The following EXT1 variants were observed in gnomAD, a reference collection of about 807,000 sequenced individuals.
EXT1 encodes exostosin-1.
EXT1 carries 20 observed loss-of-function variants against 82.5 expected under a neutral mutation model. The observed-to-expected ratio is 0.24, with a 90% confidence interval of 0.17 to 0.35. The LOEUF is 0.35. Ranked by LOEUF, EXT1 falls within the 10% of genes least tolerant of loss-of-function variation. The pLI is 1.00. For synonymous variants in EXT1, 348 were observed against 350.8 expected, an observed-to-expected ratio of 0.99 and a Z score of 0.09; for missense variants, 757 against 936.5, an observed-to-expected ratio of 0.81 and a Z score of 2.50.
At chr8:118,032,119 ATTACT>A (rs1816334247) in intron 1 of EXT1, among the ~76,000 whole-genome samples, 1 of 138,790 alleles carries the variant, frequency 7.2e-6, no homozygotes, top group South Asian at 2.6e-4. Context: ...GGTTTTGGCC[ATTACT>A]CAATGGCCAA....
Position 117,915,060 on chromosome 8 carries a change from C to T in EXT1, c.963-77859G>A, listed in dbSNP as rs553677233. ...TGGTTTGAGGCTCAGGTGGGCATCA[C>T]GGTCCTACCAATATGTGATGTCACC... On this transcript the variant is annotated intron_variant, in intron 1 of 10. Transcript: ENST00000378204. Among the ~76,000 whole-genome samples the T allele has an allele frequency of 1.6e-4, 25 of 152,282 alleles. No homozygotes were observed. The South Asian group carries it at 3.5e-3, about 22-fold the overall frequency.
At chr8:117,921,883 T>C (rs1813863548) in intron 1 of EXT1, among the ~76,000 whole-genome samples, 1 of 152,226 alleles carries the variant, frequency 6.6e-6, no homozygotes, top group South Asian at 2.1e-4. Context: ...ATTCAAAACA[T>C]TTTTTCATCT....
intron 1 of EXT1, among the ~76,000 whole-genome samples, chr8:118,014,708 G>C (rs530323921): frequency 6.6e-6 from 1 of 152,162 alleles, no homozygotes; most frequent in Non-Finnish European, 1.5e-5. Flanking sequence ...GAAAGTGCTG[G>C]GATTATAGGT....
intron 1 of EXT1, among the ~76,000 whole-genome samples, chr8:117,892,599 C>G (rs772438501): frequency 6.6e-6 from 1 of 152,172 alleles, no homozygotes; most frequent in African/African-American, 2.4e-5. Flanking sequence ...GAGATATGAG[C>G]TGACTTATCC....
intron 8 of EXT1, among the ~76,000 whole-genome samples, chr8:117,812,360 C>T (rs1045358223): frequency 2.0e-5 from 3 of 152,140 alleles, no homozygotes; most frequent in African/African-American, 7.2e-5. Context: ...TCCATCACAA[C>T]CTTGAAGTGA....
chr8:117,941,226 G>T (rs953512389), intron 1 of EXT1, among the ~76,000 whole-genome samples: 3 of 152,216 alleles, frequency 2.0e-5, no homozygotes, highest in African/African-American at 7.2e-5. Flanking sequence ...AGGCAATCCA[G>T]GCATGAATAT....
intron 1 of EXT1, among the ~76,000 whole-genome samples, chr8:117,993,246 G>T (rs1815471498): frequency 6.6e-6 from 1 of 152,040 alleles, no homozygotes; most frequent in African/African-American, 2.4e-5. Flanking sequence ...TAAAAAAAAA[G>T]GAGAAATATG....
chr8:118,013,575 G>A (rs1294842830), intron 1 of EXT1, among the ~76,000 whole-genome samples: 2 of 152,142 alleles, frequency 1.3e-5, no homozygotes, highest in East Asian at 1.9e-4. Flanking sequence ...ACCCAAGAAT[G>A]AGACAGAACA....
At position 118,024,941 on chromosome 8, in the gene EXT1, A is replaced by G. The variant is rs549509764; in HGVS notation, c.962+85144T>C. Among the ~76,000 whole-genome samples, 7 of 152,242 alleles carry G rather than the reference A, an allele frequency of 4.6e-5. No individual in the cohort carries two copies. In the South Asian group the frequency reaches 1.4e-3, roughly 32 times the overall value. ...AAGTTCAGAATTATGATTTCAAACT[A>G]TATCTTGATATTCGCATGTCTGTGT... On this transcript the variant is annotated intron_variant, in intron 1 of 10. Transcript: ENST00000378204.
intron 1 of EXT1, among the ~76,000 whole-genome samples, chr8:118,063,581 C>T (rs967021930): frequency 1.3e-5 from 2 of 152,214 alleles, no homozygotes; most frequent in African/African-American, 4.8e-5. Flanking sequence ...TCTTGTTAGT[C>T]TTGAAAATGA....
intron 7 of EXT1, among the ~76,000 whole-genome samples, chr8:117,814,158 A>C (rs551285618): frequency 6.6e-6 from 1 of 152,002 alleles, no homozygotes; most frequent in South Asian, 2.1e-4. Context: ...ATTTAGAAAA[A>C]TTGTGAAGGT....
chr8:117,844,402 C>T (rs964796909), intron 1 of EXT1, among the ~76,000 whole-genome samples: 2 of 152,084 alleles, frequency 1.3e-5, no homozygotes, highest in Non-Finnish European at 2.9e-5. Context: ...ATCCTCCTAC[C>T]TCAGCCTCTC....
intron 1 of EXT1, among the ~76,000 whole-genome samples, chr8:117,944,528 G>C (rs1040143804): frequency 6.6e-6 from 1 of 152,202 alleles, no homozygotes; most frequent in Non-Finnish European, 1.5e-5. Context: ...GTTTCTGACT[G>C]ATGAATGTGA....
chr8:117,949,664 T>C (rs1814455324), intron 1 of EXT1, among the ~76,000 whole-genome samples: 1 of 151,888 alleles, frequency 6.6e-6, no homozygotes, highest in Non-Finnish European at 1.5e-5. Context: ...AATAATATGA[T>C]GGAAAATACT....
intron 1 of EXT1, among the ~76,000 whole-genome samples, chr8:117,886,722 C>T (rs1441982280): frequency 1.3e-5 from 2 of 152,202 alleles, no homozygotes; most frequent in Non-Finnish European, 2.9e-5. Context: ...GCCTGTTCGT[C>T]TCATTCCATG....
intron 1 of EXT1, among the ~76,000 whole-genome samples, chr8:117,910,501 T>G (rs989386301): frequency 1.3e-5 from 2 of 152,186 alleles, no homozygotes; most frequent in Non-Finnish European, 2.9e-5. Flanking sequence ...AGTTTTGCTT[T>G]ATTCTTGCTA....
At chr8:117,965,713 C>T (rs1358825767) in intron 1 of EXT1, among the ~76,000 whole-genome samples, 1 of 152,148 alleles carries the variant, frequency 6.6e-6, no homozygotes. Flanking sequence ...ACATATTAAT[C>T]AGTGAATCTC....
At chr8:117,880,817 C>T (rs552180453) in intron 1 of EXT1, among the ~76,000 whole-genome samples, 13 of 152,232 alleles carry the variant, frequency 8.5e-5, no homozygotes, top group Non-Finnish European at 1.8e-4. Context: ...TCTTGAACTC[C>T]TGACCTCAGG....
chr8:118,084,614 C>T (rs1817386641), intron 1 of EXT1, among the ~76,000 whole-genome samples: 1 of 152,194 alleles, frequency 6.6e-6, no homozygotes, highest in Non-Finnish European at 1.5e-5. Flanking sequence ...CCTCGAAATG[C>T]TGGGTCCACA....
Sources: allele counts gnomAD v4.1 joint callset (sites outside exome capture counted in the v4.1 genomes callset), GRCh38; gene constraint gnomAD v4.1.1; transcripts MANE v1.5; gene names NCBI Gene and HGNC (gene_info 2026-07-23, HGNC 2026-07-21).